Variants in SHISA9 observed in about 807,000 individuals in gnomAD.
SHISA9 encodes the protein protein shisa-9.
In SHISA9, 13 loss-of-function variants were observed where a neutral mutation model predicts 38.0. The ratio of observed to expected loss-of-function variants is 0.34; its 90% CI spans 0.22 to 0.54. The LOEUF (loss-of-function observed/expected upper bound fraction) is 0.54. Among genes scored for constraint, SHISA9 ranks in the 20% least tolerant of loss-of-function variants. The probability of loss-of-function intolerance (pLI) is 0.91; values close to 1 mark genes in which losing one functional copy is unlikely to be tolerated. For missense variants in SHISA9, 538 were observed against 575.8 expected (o/e 0.93, Z 0.67); for synonymous variants, 275 against 242.0 (o/e 1.14, Z -1.27).
intron 2 of SHISA9, among the ~76,000 whole-genome samples, chr16:12,944,296 A>G (rs1043325964): frequency 6.6e-6 from 1 of 152,312 alleles, no homozygotes; most frequent in South Asian, 2.1e-4. Context: ...TTGAACTCTT[A>G]TTTCTAGGCT....
At chr16:13,152,824 A>G (rs532811785) in intron 2 of SHISA9, among the ~76,000 whole-genome samples, 1 of 152,330 alleles carries the variant, frequency 6.6e-6, no homozygotes, top group East Asian at 1.9e-4. Flanking sequence ...TGGAAACTAC[A>G]TAAATATGTT....
intron 2 of SHISA9, among the ~76,000 whole-genome samples, chr16:13,067,789 C>T (rs2073451925): frequency 6.6e-6 from 1 of 152,228 alleles, no homozygotes; most frequent in Non-Finnish European, 1.5e-5. Context: ...CTCACTCCAA[C>T]CCAGCTTTGC....
chr16:13,325,674 T>C, the SHISA9 span, among the ~76,000 whole-genome samples: 2 of 151,844 alleles, frequency 1.3e-5, no homozygotes, highest in African/African-American at 2.4e-5. Flanking sequence ...ACTAGGAGAG[T>C]TGATAATCTA....
At chr16:13,244,868 G>A (rs550920966), downstream of SHISA9, among the ~76,000 whole-genome samples, 2 of 152,306 alleles carry the variant, frequency 1.3e-5, no homozygotes, top group African/African-American at 4.8e-5. Flanking sequence ...TTCTACTGTT[G>A]ACAAAGTCCC....
At chr16:13,188,370 C>T (rs1323816559) in intron 2 of SHISA9, among the ~76,000 whole-genome samples, 1 of 152,098 alleles carries the variant, frequency 6.6e-6, no homozygotes, top group Non-Finnish European at 1.5e-5. Flanking sequence ...AGGAGTGAGG[C>T]TAAGTACTGG....
chr16:13,080,394 A>G (rs2141934801), intron 2 of SHISA9, among the ~76,000 whole-genome samples: 2 of 152,280 alleles, frequency 1.3e-5, no homozygotes, highest in Middle Eastern at 6.8e-3. Flanking sequence ...TAAATAAGTA[A>G]AAAACACCAC....
chr16:13,414,635 C>T, the SHISA9 span, among the ~76,000 whole-genome samples: 27 of 86,408 alleles, frequency 3.1e-4, no homozygotes, highest in South Asian at 2.0e-3. Context: ...TTCTTTCTTT[C>T]TTCTTTCTTT....
chr16:13,188,681 C>T, intron 2 of SHISA9, among the ~76,000 whole-genome samples: 1 of 126,370 alleles, frequency 7.9e-6, no homozygotes, highest in Non-Finnish European at 1.6e-5. Flanking sequence ...TGCGCCACTG[C>T]ACTGCAGCCT....
chr16:13,198,529 C>T (rs1480577358), intron 2 of SHISA9, among the ~76,000 whole-genome samples: 1 of 152,052 alleles, frequency 6.6e-6, no homozygotes, highest in Non-Finnish European at 1.5e-5. Context: ...TTTCACTCAC[C>T]CTATTGTTCT....
the SHISA9 span, among the ~76,000 whole-genome samples, chr16:13,536,286 C>G: frequency 2.6e-5 from 4 of 152,148 alleles, no homozygotes; most frequent in Non-Finnish European, 4.4e-5. Context: ...CATGAGCCAC[C>G]GTACCTGGCC....
At chr16:12,921,415 C>T (rs2071326948) in intron 2 of SHISA9, among the ~76,000 whole-genome samples, 1 of 152,122 alleles carries the variant, frequency 6.6e-6, no homozygotes. Flanking sequence ...TCCATATTTA[C>T]CGAGGCACCT....
the SHISA9 span, among the ~76,000 whole-genome samples, chr16:13,367,744 A>ACG: frequency 6.8e-6 from 1 of 147,216 alleles, no homozygotes; most frequent in Non-Finnish European, 1.5e-5. Flanking sequence ...ACACACACAC[A>ACG]CACACCCCTG....
At chr16:13,402,159 G>C in the SHISA9 span, among the ~76,000 whole-genome samples, 1 of 151,632 alleles carries the variant, frequency 6.6e-6, no homozygotes, top group Admixed American at 6.6e-5. Context: ...GGGAATTTAT[G>C]ATGGGAATTG....
chr16:13,529,336 CT>C, the SHISA9 span, among the ~76,000 whole-genome samples: 3 of 152,212 alleles, frequency 2.0e-5, no homozygotes, highest in Admixed American at 2.0e-4. Flanking sequence ...GATTAGCTGA[CT>C]TTATCTCAAC....
At chr16:13,416,953 T>G in the SHISA9 span, among the ~76,000 whole-genome samples, 1 of 152,146 alleles carries the variant, frequency 6.6e-6, no homozygotes, top group African/African-American at 2.4e-5. Flanking sequence ...GAAATTTGAA[T>G]AAATTTCTTA....
At chr16:13,044,873 C>A (rs1276876602) in intron 2 of SHISA9, among the ~76,000 whole-genome samples, 1 of 152,174 alleles carries the variant, frequency 6.6e-6, no homozygotes, top group Non-Finnish European at 1.5e-5. Context: ...AATCTCCCAT[C>A]ATAAAAAGTC....
the SHISA9 span, among the ~76,000 whole-genome samples, chr16:13,352,050 G>C: frequency 2.0e-5 from 3 of 152,188 alleles, no homozygotes; most frequent in East Asian, 5.8e-4. Flanking sequence ...ATATCAATTT[G>C]AGCATGGAGA....
the SHISA9 span, among the ~76,000 whole-genome samples, chr16:13,263,642 A>G: frequency 6.6e-6 from 1 of 152,312 alleles, no homozygotes; most frequent in South Asian, 2.1e-4. Flanking sequence ...TAAATTATCC[A>G]GTCTCTGGCA....
intron 3 of SHISA9, among the ~76,000 whole-genome samples, chr16:13,209,449 T>G (rs1168408851): frequency 6.6e-6 from 1 of 152,216 alleles, no homozygotes; most frequent in Non-Finnish European, 1.5e-5. Flanking sequence ...AGAATCAGTC[T>G]AGACCTCTTC....
Sources: allele counts gnomAD v4.1 joint callset (sites outside exome capture counted in the v4.1 genomes callset), GRCh38; gene constraint gnomAD v4.1.1; transcripts MANE v1.5; gene names NCBI Gene and HGNC (gene_info 2026-07-23, HGNC 2026-07-21).